PDE4B: variants seen among roughly 807,000 people sequenced by gnomAD.
PDE4B encodes phosphodiesterase 4B, also known as 3',5'-cyclic-AMP phosphodiesterase 4B.
In PDE4B, 20 loss-of-function variants were observed where a neutral mutation model predicts 82.2. The observed-to-expected ratio is 0.24, with a 90% CI of 0.17 to 0.35. PDE4B has a LOEUF of 0.35. PDE4B is among the 10% of genes least tolerant of loss of function. The probability of loss-of-function intolerance (pLI) is 1.00; values close to 1 mark genes in which losing one functional copy is unlikely to be tolerated. For synonymous variants in PDE4B, 320 were observed against 318.9 expected (o/e 1.00, Z -0.04); for missense variants, 655 against 907.2 (o/e 0.72, Z 3.57).
chr1:66,359,472 A>G (rs994055901), intron 9 of PDE4B, among the ~76,000 whole-genome samples: 2 of 152,190 alleles, frequency 1.3e-5, no homozygotes, highest in Non-Finnish European at 2.9e-5. Flanking sequence ...GAATAGGGAA[A>G]CCTATTAGTT....
Position 66,202,743 on chromosome 1 carries a change from C to T in PDE4B, c.282-44717C>T, listed in dbSNP as rs570872858. 9.3e-4 allele frequency among the ~76,000 whole-genome samples: 141 copies of T among 152,152 alleles called. 1 individual carries two copies. The highest frequency in any genetic ancestry group is 1.3e-3 in the Non-Finnish European group (89 of 68,020). ...CTTTATTTTGAGTCTACGTGTGTCT[C>T]GGCACGTGAGATGGGTTTCCTGAAT... On this transcript the variant is annotated intron_variant, in intron 3 of 16. Transcript: ENST00000341517.
At chr1:66,298,946 T>A (rs1028318690) in intron 7 of PDE4B, among the ~76,000 whole-genome samples, 1 of 152,114 alleles carries the variant, frequency 6.6e-6, no homozygotes, top group Non-Finnish European at 1.5e-5. Context: ...AAAAGTTTAG[T>A]TGACACCAAA....
chr1:66,140,736 A>G (rs976596658), intron 3 of PDE4B, among the ~76,000 whole-genome samples: 2 of 152,328 alleles, frequency 1.3e-5, no homozygotes, highest in African/African-American at 4.8e-5. Context: ...TAAATGTGAT[A>G]TGTGTGCCTA....
At chr1:65,933,813 G>A (rs1647973416) in intron 3 of PDE4B, among the ~76,000 whole-genome samples, 1 of 152,092 alleles carries the variant, frequency 6.6e-6, no homozygotes, top group Admixed American at 6.6e-5. Flanking sequence ...AAATATATAG[G>A]CAAATTCAGA....
chr1:66,241,546 G>A (rs1190444757), intron 3 of PDE4B, among the ~76,000 whole-genome samples: 5 of 150,790 alleles, frequency 3.3e-5, no homozygotes, highest in African/African-American at 1.2e-4. Context: ...TCACTCTGTT[G>A]CTCAGCTGGG....
rs529065291 is a variant in PDE4B at position 66,166,770 on chromosome 1, G to A, written c.282-80690G>A. 4.7e-5 allele frequency among the ~76,000 whole-genome samples: 7 copies of A among 150,360 alleles called. No individual in the cohort carries two copies. In the East Asian group the frequency reaches 7.8e-4, roughly 17 times the overall value. On this transcript the variant is annotated intron_variant, in intron 3 of 16. Coordinates refer to ENST00000341517, the MANE Select transcript of PDE4B (RefSeq NM_002600.4). ...AAAAAAAGTGAAAGGACAACCCACC[G>A]AATGGGAGAAAATATTTGTTAATCA... is the stretch of plus-strand genomic sequence containing the variant.
chr1:66,255,037 T>C (rs1340839883), intron 4 of PDE4B, among the ~76,000 whole-genome samples: 1 of 151,978 alleles, frequency 6.6e-6, no homozygotes. Flanking sequence ...TCTTTTCTTT[T>C]CTTTTCTTTC....
intron 6 of PDE4B, among the ~76,000 whole-genome samples, chr1:66,259,934 C>T (rs1009250877): frequency 5.9e-5 from 9 of 152,134 alleles, no homozygotes; most frequent in Admixed American, 2.0e-4. Context: ...GCTAATTACT[C>T]TCTCTATATC....
chr1:66,151,192 G>A lies in PDE4B; in HGVS notation c.282-96268G>A, dbSNP rs1024400316. On this transcript the variant is annotated intron_variant, in intron 3 of 16. Coordinates refer to ENST00000341517, the MANE Select transcript of PDE4B (RefSeq NM_002600.4). The stretch of plus-strand genomic sequence containing the variant: ...ACTTTTCATTGTTGGGTGTTTCGTG[G>A]AACAAAGGACTTACAGGCAAAGAGA... Among the ~76,000 whole-genome samples the A allele has an allele frequency of 2.0e-4, 31 of 152,176 alleles. 1 individual carries two copies. The highest frequency in any genetic ancestry group is 7.5e-4 in the African/African-American group (31 of 41,448).
chr1:66,317,558 A>G (rs879846727), intron 7 of PDE4B, among the ~76,000 whole-genome samples: 1 of 152,104 alleles, frequency 6.6e-6, no homozygotes, highest in Non-Finnish European at 1.5e-5. Context: ...GGGTGCCTCA[A>G]AGAAAAACTG....
intron 1 of PDE4B, among the ~76,000 whole-genome samples, chr1:65,811,100 A>G (rs1645814238): frequency 6.6e-6 from 1 of 152,210 alleles, no homozygotes; most frequent in South Asian, 2.1e-4. Flanking sequence ...GACATTATCA[A>G]ATATCTTTTG....
intron 1 of PDE4B, among the ~76,000 whole-genome samples, chr1:65,872,506 A>G (rs1318615841): frequency 6.6e-6 from 1 of 152,202 alleles, no homozygotes; most frequent in Non-Finnish European, 1.5e-5. Context: ...TAGATCAAAG[A>G]GTTACAGCAG....
intron 1 of PDE4B, among the ~76,000 whole-genome samples, chr1:65,841,133 C>T (rs1646201774): frequency 2.0e-5 from 3 of 152,050 alleles, no homozygotes; most frequent in African/African-American, 2.4e-5. Flanking sequence ...CCCATCTCTA[C>T]TGAAAATACA....
At chr1:65,992,913 G>A (rs746552338) in intron 3 of PDE4B, 49 of 1,613,264 alleles carry the variant, frequency 3.0e-5, no homozygotes, top group Admixed American at 5.0e-5. Flanking sequence ...AGACATGACA[G>A]CAAAAGATTC....
At chr1:66,263,661 C>A (rs191223668) in intron 6 of PDE4B, among the ~76,000 whole-genome samples, 1 of 152,248 alleles carries the variant, frequency 6.6e-6, no homozygotes, top group East Asian at 1.9e-4. Flanking sequence ...TGGACTGTAA[C>A]ATGAAGAAAT....
intron 3 of PDE4B, among the ~76,000 whole-genome samples, chr1:66,059,439 T>C (rs1655472435): frequency 6.6e-6 from 1 of 152,198 alleles, no homozygotes; most frequent in Non-Finnish European, 1.5e-5. Context: ...TAGTCTGCTT[T>C]CATGCTGCTG....
chr1:66,154,551 T>C (rs542071939), intron 3 of PDE4B, among the ~76,000 whole-genome samples: 53 of 152,348 alleles, frequency 3.5e-4, no homozygotes, highest in Middle Eastern at 6.8e-3. Context: ...CATTCATGGA[T>C]AAAATGCCTT....
chr1:66,044,019 A>G (rs942974194), intron 3 of PDE4B, among the ~76,000 whole-genome samples: 1 of 150,864 alleles, frequency 6.6e-6, no homozygotes, highest in Non-Finnish European at 1.5e-5. Context: ...AAGGTCTGTC[A>G]AGTATTATAC....
chr1:66,039,208 G>A (rs951449587), intron 3 of PDE4B, among the ~76,000 whole-genome samples: 3 of 151,996 alleles, frequency 2.0e-5, no homozygotes, highest in South Asian at 2.1e-4. Context: ...TATTGTTATT[G>A]ATTGACTGAG....
Sources: allele counts gnomAD v4.1 joint callset (sites outside exome capture counted in the v4.1 genomes callset), GRCh38; gene constraint gnomAD v4.1.1; transcripts MANE v1.5; gene names NCBI Gene and HGNC (gene_info 2026-07-23, HGNC 2026-07-21).